SDC2: variants seen among roughly 807,000 people sequenced by gnomAD.
SDC2 encodes syndecan-2.
In SDC2, 13 loss-of-function variants were observed where a neutral mutation model predicts 22.2. That is an observed-to-expected ratio of 0.59 (90% CI 0.38 to 0.93). The LOEUF (loss-of-function observed/expected upper bound fraction) is 0.93. Among genes scored for constraint, SDC2 ranks in the 40% least tolerant of loss-of-function variants. The pLI is 0.00. For synonymous variants in SDC2, 94 were observed against 92.8 expected (o/e 1.01, Z -0.07); for missense variants, 235 against 246.8 (o/e 0.95, Z 0.32).
intron 2 of SDC2, among the ~76,000 whole-genome samples, chr8:96,595,108 G>C (rs961797995): frequency 3.3e-5 from 5 of 152,146 alleles, no homozygotes; most frequent in African/African-American, 9.7e-5. Flanking sequence ...AGAAATTTGT[G>C]GTCAGCAGCA....
chr8:96,522,554 A>G (rs1161417042), intron 1 of SDC2, among the ~76,000 whole-genome samples: 5 of 152,208 alleles, frequency 3.3e-5, no homozygotes, highest in Admixed American at 1.3e-4. Flanking sequence ...TCTTCACCCT[A>G]TCGAGAAACA....
chr8:96,578,987 C>T (rs926043151), intron 1 of SDC2, among the ~76,000 whole-genome samples: 1 of 152,160 alleles, frequency 6.6e-6, no homozygotes, highest in African/African-American at 2.4e-5. Flanking sequence ...AGACACTTGC[C>T]ACAGGAATTG....
intron 1 of SDC2, among the ~76,000 whole-genome samples, chr8:96,503,044 T>C (rs1813189497): frequency 1.3e-5 from 2 of 152,166 alleles, no homozygotes; most frequent in Admixed American, 6.5e-5. Flanking sequence ...CGCTGAGATA[T>C]TGGGAATATG....
chr8:96,586,992 G>C (rs1251680305), intron 1 of SDC2, among the ~76,000 whole-genome samples: 1 of 152,012 alleles, frequency 6.6e-6, no homozygotes, highest in East Asian at 1.9e-4. Flanking sequence ...GCGCAATCTC[G>C]GCTCACTGCA....
intron 1 of SDC2, among the ~76,000 whole-genome samples, chr8:96,581,394 T>A (rs190790345): frequency 6.6e-6 from 1 of 152,270 alleles, no homozygotes; most frequent in African/African-American, 2.4e-5. Context: ...TTTGAGAGGC[T>A]GAGGCGGGCA....
chr8:96,495,855 C>T (rs1813066462), intron 1 of SDC2, among the ~76,000 whole-genome samples: 1 of 152,170 alleles, frequency 6.6e-6, no homozygotes, highest in African/African-American at 2.4e-5. Context: ...ATTTTGGGTG[C>T]TCAGGTTGTA....
chr8:96,557,630 T>C (rs1259363982), intron 1 of SDC2, among the ~76,000 whole-genome samples: 7 of 74,036 alleles, frequency 9.5e-5, no homozygotes, highest in Non-Finnish European at 1.9e-4. Flanking sequence ...TGTGGTGGGG[T>C]GGGGGGAGTG....
rs4058341 is a variant in SDC2, at chr8:96,540,340, G to GTGTGTATATATATATATA, written c.60+46010_60+46011insGTGTATATATATATATAT. Among the ~76,000 whole-genome samples the GTGTGTATATATATATATA allele has an allele frequency of 3.8e-3, 473 of 123,668 alleles. 4 individuals carry two copies. Among genetic ancestry groups the GTGTGTATATATATATATA allele is most frequent in the East Asian group, 0.032 (102 of 3,202 alleles). The allele number at this position is 123,668 out of a possible 152,430, so 81.1% of individuals were successfully genotyped here. A position where few individuals can be genotyped will look rare whatever the true frequency, so the allele number is the denominator to read the frequency against. ...AACCCTGTCTCTACTATATATATGT[G>GTGTGTATATATATATATA]TATATATATATATATAAAAATTAGT... is the stretch of plus-strand genomic sequence containing the variant. On this transcript the variant is annotated intron_variant, in intron 1 of 4. Coordinates refer to ENST00000302190, the MANE Select transcript of SDC2 (RefSeq NM_002998.4).
At chr8:96,557,417 C>G (rs1193635678) in intron 1 of SDC2, among the ~76,000 whole-genome samples, 1 of 145,532 alleles carries the variant, frequency 6.9e-6, no homozygotes, top group East Asian at 2.0e-4. Context: ...AAATGTGGCA[C>G]ATATACACCA....
chr8:96,595,523 C>T (rs1434574020), intron 2 of SDC2, among the ~76,000 whole-genome samples: 2 of 150,610 alleles, frequency 1.3e-5, no homozygotes, highest in Non-Finnish European at 3.0e-5. Context: ...TTTTTTAGCA[C>T]CTTAAGAGTT....
At chr8:96,536,825 A>G (rs377684477) in intron 1 of SDC2, among the ~76,000 whole-genome samples, 2 of 152,324 alleles carry the variant, frequency 1.3e-5, no homozygotes, top group South Asian at 2.1e-4. Context: ...TTGATTACCT[A>G]TGCTTTTCCT....
At chr8:96,494,781 C>T (rs535448841) in intron 1 of SDC2, among the ~76,000 whole-genome samples, 1 of 152,300 alleles carries the variant, frequency 6.6e-6, no homozygotes, top group Non-Finnish European at 1.5e-5. Flanking sequence ...ACACCATCCC[C>T]CCCGCGCCAG....
chr8:96,603,421 C>G (rs1815025917), intron 3 of SDC2, among the ~76,000 whole-genome samples: 2 of 152,198 alleles, frequency 1.3e-5, no homozygotes, highest in African/African-American at 4.8e-5. Flanking sequence ...TAGTGGTAGA[C>G]TTTGCAATCA....
chr8:96,497,717 C>G (rs1372382941), intron 1 of SDC2, among the ~76,000 whole-genome samples: 4 of 152,162 alleles, frequency 2.6e-5, no homozygotes, highest in Admixed American at 2.6e-4. Context: ...CAGAGCCCCA[C>G]CAGCCCTGTC....
chr8:96,505,123 G>A (rs753984563), intron 1 of SDC2, among the ~76,000 whole-genome samples: 3 of 152,012 alleles, frequency 2.0e-5, no homozygotes, highest in Non-Finnish European at 2.9e-5. Flanking sequence ...TTTTAGTCAC[G>A]CAAGTTATGA....
chr8:96,526,456 ACTT>A (rs1001093093), intron 1 of SDC2, among the ~76,000 whole-genome samples: 8 of 152,212 alleles, frequency 5.3e-5, no homozygotes, highest in African/African-American at 1.7e-4. Context: ...AGTTACAGAA[ACTT>A]CTTCTCTCCC....
chr8:96,495,342 G>A (rs1238572518), intron 1 of SDC2, among the ~76,000 whole-genome samples: 1 of 152,222 alleles, frequency 6.6e-6, no homozygotes, highest in East Asian at 1.9e-4. Flanking sequence ...TCGCGCTTCG[G>A]GGGCTGGAGC....
intron 1 of SDC2, among the ~76,000 whole-genome samples, chr8:96,548,847 T>C (rs1215216869): frequency 5.3e-5 from 8 of 152,202 alleles, no homozygotes. Context: ...CTTCACTGAC[T>C]TGAGGTCAGT....
chr8:96,582,262 C>T (rs1814600635), intron 1 of SDC2, among the ~76,000 whole-genome samples: 1 of 152,200 alleles, frequency 6.6e-6, no homozygotes, highest in Non-Finnish European at 1.5e-5. Context: ...AAAATAAATA[C>T]AGAACCCAGG....
Sources: allele counts gnomAD v4.1 joint callset (sites outside exome capture counted in the v4.1 genomes callset), GRCh38; gene constraint gnomAD v4.1.1; transcripts MANE v1.5; gene names NCBI Gene and HGNC (gene_info 2026-07-23, HGNC 2026-07-21).